Variants in DIAPH3 observed in about 807,000 individuals in gnomAD.
DIAPH3 encodes diaphanous related formin 3.
DIAPH3 carries 117 observed loss-of-function variants against 144.3 expected under a neutral mutation model. The observed-to-expected ratio is 0.81, with a 90% CI of 0.70 to 0.95. The LOEUF is 0.95. Among genes scored for constraint, DIAPH3 ranks in the 40% least tolerant of loss-of-function variants. DIAPH3 has a pLI of 0.00. For missense variants in DIAPH3, 1,421 were observed against 1,412.7 expected (o/e 1.01, Z -0.09); for synonymous variants, 519 against 488.9 (o/e 1.06, Z -0.81).
chr13:59,801,865 T>G (rs1166537386), intron 25 of DIAPH3, among the ~76,000 whole-genome samples: 15 of 152,256 alleles, frequency 9.9e-5, no homozygotes, highest in Non-Finnish European at 1.9e-4. Context: ...CATTTACATG[T>G]AACATATAAA....
At chr13:59,952,704 A>G (rs1317791413) in intron 17 of DIAPH3, among the ~76,000 whole-genome samples, 1 of 152,192 alleles carries the variant, frequency 6.6e-6, no homozygotes, top group African/African-American at 2.4e-5. Context: ...TAAAGTCATC[A>G]GAGGCAGAGT....
intron 17 of DIAPH3, among the ~76,000 whole-genome samples, chr13:59,947,289 G>A (rs1279441382): frequency 6.6e-6 from 1 of 152,094 alleles, no homozygotes; most frequent in Non-Finnish European, 1.5e-5. Context: ...TCACATGTTC[G>A]TGTTGAATAG....
At chr13:59,767,182 C>T (rs1163971550) in intron 27 of DIAPH3, among the ~76,000 whole-genome samples, 1 of 152,166 alleles carries the variant, frequency 6.6e-6, no homozygotes, top group Non-Finnish European at 1.5e-5. Context: ...CAGTGAACCT[C>T]CACAGTAGCA....
chr13:59,866,238 C>T (rs2092833061), intron 21 of DIAPH3, among the ~76,000 whole-genome samples: 1 of 151,824 alleles, frequency 6.6e-6, no homozygotes, highest in South Asian at 2.1e-4. Context: ...AACATTACAA[C>T]CCCAAACTAG....
chr13:59,887,973 T>G (rs2045556343), intron 20 of DIAPH3, among the ~76,000 whole-genome samples: 1 of 152,270 alleles, frequency 6.6e-6, no homozygotes, highest in South Asian at 2.1e-4. Flanking sequence ...TCTTATAATA[T>G]AGTTTGCCTT....
At chr13:59,820,256 A>G (rs1267510421) in intron 24 of DIAPH3, among the ~76,000 whole-genome samples, 2 of 151,960 alleles carry the variant, frequency 1.3e-5, no homozygotes, top group Non-Finnish European at 2.9e-5. Flanking sequence ...ACGATGGTAC[A>G]CTGAGCTGAT....
intron 1 of DIAPH3, among the ~76,000 whole-genome samples, chr13:60,150,617 GTGA>G (rs1188641520): frequency 2.0e-5 from 3 of 152,170 alleles, no homozygotes. Flanking sequence ...TGCGGTTATT[GTGA>G]TGATGATTGT....
chr13:59,859,508 C>A (rs1332720702), intron 22 of DIAPH3, among the ~76,000 whole-genome samples: 2 of 152,054 alleles, frequency 1.3e-5, no homozygotes, highest in African/African-American at 2.4e-5. Context: ...GCAAAACCTG[C>A]TAAACAATAA....
intron 17 of DIAPH3, among the ~76,000 whole-genome samples, chr13:59,943,174 T>G (rs1233546883): frequency 1.3e-5 from 2 of 152,156 alleles, no homozygotes; most frequent in African/African-American, 4.8e-5. Context: ...TTAAAAAAAG[T>G]TTATTTTGGC....
chr13:60,061,152 C>T (rs536860112), intron 4 of DIAPH3, among the ~76,000 whole-genome samples: 27 of 152,076 alleles, frequency 1.8e-4, no homozygotes, highest in African/African-American at 6.3e-4. Flanking sequence ...CTTAAAAGAC[C>T]AGGATTGGAA....
At chr13:59,860,083 G>C (rs1210509149) in intron 22 of DIAPH3, among the ~76,000 whole-genome samples, 1 of 152,172 alleles carries the variant, frequency 6.6e-6, no homozygotes, top group Admixed American at 6.5e-5. Context: ...ATACATCTCA[G>C]AACAAAGTTT....
chr13:59,951,636 T>C (rs1371671711), intron 17 of DIAPH3, among the ~76,000 whole-genome samples: 2 of 152,188 alleles, frequency 1.3e-5, no homozygotes, highest in Non-Finnish European at 2.9e-5. Flanking sequence ...TTTATTAGTT[T>C]CTATAATAGG....
intron 27 of DIAPH3, among the ~76,000 whole-genome samples, chr13:59,743,844 G>A (rs1487628659): frequency 6.6e-6 from 1 of 151,974 alleles, no homozygotes; most frequent in East Asian, 1.9e-4. Context: ...CTTTGAAATT[G>A]CCAAGGGACT....
chr13:59,718,921 GC>G (rs146791470), intron 27 of DIAPH3, among the ~76,000 whole-genome samples: 6,490 of 150,944 alleles, frequency 0.043, 232 homozygotes, highest in Admixed American at 0.11. Flanking sequence ...TCAAAATGTA[GC>G]CCCCCCCACC....
intron 27 of DIAPH3, among the ~76,000 whole-genome samples, chr13:59,693,072 TG>T (rs1272947789): frequency 6.6e-6 from 1 of 152,126 alleles, no homozygotes; most frequent in East Asian, 1.9e-4. Context: ...AAAATTACTA[TG>T]AGAAAATTAT....
chr13:59,755,450 T>C (rs949918913), intron 27 of DIAPH3, among the ~76,000 whole-genome samples: 1 of 152,014 alleles, frequency 6.6e-6, no homozygotes, highest in Admixed American at 6.6e-5. Flanking sequence ...ATGACCTTGA[T>C]AGATTAGAGA....
intron 3 of DIAPH3, among the ~76,000 whole-genome samples, chr13:60,107,806 A>G (rs1318373130): frequency 1.3e-5 from 2 of 152,182 alleles, no homozygotes; most frequent in Admixed American, 1.3e-4. Flanking sequence ...TCTAGACAGG[A>G]AGTCCAGAAT....
At chr13:59,770,699 T>C (rs2038076763) in intron 27 of DIAPH3, among the ~76,000 whole-genome samples, 1 of 152,178 alleles carries the variant, frequency 6.6e-6, no homozygotes, top group African/African-American at 2.4e-5. Flanking sequence ...AGCTCTAAAC[T>C]GTCCTCATGA....
intron 17 of DIAPH3, among the ~76,000 whole-genome samples, 159 bp downstream of exon 17, chr13:59,969,785 T>TA (rs1309043649): frequency 6.6e-6 from 1 of 152,208 alleles, no homozygotes; most frequent in African/African-American, 2.4e-5. Context: ...ATTTACTTTT[T>TA]AAGCACTTTA....
Sources: gnomAD v4.1 joint callset for allele counts (sites outside exome capture counted in the v4.1 genomes callset) on GRCh38, gnomAD v4.1.1 for gene constraint, MANE v1.5 for transcripts, NCBI Gene and HGNC (gene_info 2026-07-23, HGNC 2026-07-21) for gene names.